Variants in STK10 observed in about 807,000 individuals in gnomAD.
STK10 encodes the protein serine/threonine-protein kinase 10.
STK10 carries 78 observed loss-of-function variants against 113.8 expected under a neutral mutation model. The observed-to-expected ratio is 0.69, with a 90% confidence interval of 0.57 to 0.83. The LOEUF (loss-of-function observed/expected upper bound fraction) is 0.83, where lower values mean the gene tolerates loss of function less well. Ranked by LOEUF, STK10 falls within the 40% of genes least tolerant of loss-of-function variation. STK10 has a pLI of 0.00. For synonymous variants in STK10, 465 were observed against 494.7 expected, an observed-to-expected ratio of 0.94 and a Z score of 0.80; for missense variants, 1,109 against 1,280.1, an observed-to-expected ratio of 0.87 and a Z score of 2.04.
intron 7 of STK10, among the ~76,000 whole-genome samples, chr5:172,100,056 C>G (rs1256561821): frequency 1.3e-5 from 2 of 152,358 alleles, no homozygotes; most frequent in Admixed American, 1.3e-4. Flanking sequence ...ACAGGGCCAC[C>G]CGTCCTATGG....
At chr5:172,106,420 G>GAAAAAAAAAAAAAAAAAAAAAAAAAC (rs1416660493) in intron 6 of STK10, among the ~76,000 whole-genome samples, 200 bp downstream of exon 6, 1 of 45,400 alleles carries the variant, frequency 2.2e-5, no homozygotes, top group Non-Finnish European at 5.1e-5. Flanking sequence ...AAAAAAAAAG[G>GAAAAAAAAAAAAAAAAAAAAAAAAAC]AACACAAAGG....
intron 2 of STK10, among the ~76,000 whole-genome samples, chr5:172,141,803 G>A (rs1368561036): frequency 2.0e-5 from 3 of 152,062 alleles, no homozygotes; most frequent in Non-Finnish European, 2.9e-5. Context: ...GCCTGTAATC[G>A]CCGGCTTTCT....
At chr5:172,145,488 C>T (rs775474662) in intron 2 of STK10, among the ~76,000 whole-genome samples, 93 of 152,236 alleles carry the variant, frequency 6.1e-4, no homozygotes, top group Non-Finnish European at 1.1e-3. Context: ...AGGCAGAGCA[C>T]GCGCTGGCCC....
intron 13 of STK10, 118 bp downstream of exon 13, chr5:172,064,602 G>C (rs1768024453): frequency 2.0e-6 from 2 of 1,023,054 alleles, no homozygotes; most frequent in Non-Finnish European, 3.0e-6. Context: ...GCCAGATTTA[G>C]GTATTCAGAA....
intron 2 of STK10, among the ~76,000 whole-genome samples, chr5:172,136,971 C>A (rs1174868142): frequency 6.6e-6 from 1 of 151,936 alleles, no homozygotes; most frequent in African/African-American, 2.4e-5. Context: ...GCTATCCCTC[C>A]CCTAGCCCCC....
At chr5:172,050,111 G>A (rs1581129497) in intron 18 of STK10, among the ~76,000 whole-genome samples, 1 of 152,166 alleles carries the variant, frequency 6.6e-6, no homozygotes, top group Non-Finnish European at 1.5e-5. Context: ...CCCACTCATA[G>A]TATTTTAGAA....
chr5:172,084,202 G>C (rs1768500152), intron 10 of STK10, among the ~76,000 whole-genome samples: 1 of 151,914 alleles, frequency 6.6e-6, no homozygotes, highest in African/African-American at 2.4e-5. Flanking sequence ...GGGGGTTCAA[G>C]ACCAGCCTGA....
chr5:172,090,372 G>A lies in STK10; in HGVS notation c.1555-10C>T, dbSNP rs756732385. On this transcript the variant is annotated splice_polypyrimidine_tract_variant and intron_variant, in intron 9 of 18. Transcript: ENST00000176763. Reference sequence around the variant, plus strand: ...TGTACAGTTTCGGGTCCTGGCCAGGGAAAACCATTAGACAAGTCTCAGCAT... The same window carrying A: ...TGTACAGTTTCGGGTCCTGGCCAGGAAAAACCATTAGACAAGTCTCAGCAT... 6.2e-7 allele frequency: 1 copy of A among 1,612,948 alleles called. No homozygotes were observed. Among genetic ancestry groups the A allele is most frequent in the Non-Finnish European group, 8.5e-7 (1 of 1,179,432 alleles).
At chr5:172,089,403 TGGA>T (rs1561802649) in intron 10 of STK10, among the ~76,000 whole-genome samples, 2 of 144,944 alleles carry the variant, frequency 1.4e-5, no homozygotes, top group African/African-American at 2.7e-5. Flanking sequence ...CATGGATGGA[TGGA>T]TGGATGGATG....
At chr5:172,110,403 A>T (rs1330511946) in intron 4 of STK10, among the ~76,000 whole-genome samples, 3 of 151,714 alleles carry the variant, frequency 2.0e-5, no homozygotes, top group African/African-American at 4.9e-5. Flanking sequence ...CCTGCCTGAC[A>T]TGCCACATGT....
chr5:172,155,454 T>C (rs527839742), intron 2 of STK10, among the ~76,000 whole-genome samples: 26 of 146,514 alleles, frequency 1.8e-4, no homozygotes, highest in African/African-American at 5.1e-4. Flanking sequence ...GCCGAGATCG[T>C]GCCACTGCAC....
chr5:172,153,446 G>A (rs930747371), intron 2 of STK10, among the ~76,000 whole-genome samples: 13 of 152,152 alleles, frequency 8.5e-5, no homozygotes, highest in Non-Finnish European at 1.6e-4. Flanking sequence ...AGGAAGCACA[G>A]ACGGATTTTG....
intron 1 of STK10, among the ~76,000 whole-genome samples, chr5:172,158,258 C>G (rs914390201): frequency 6.6e-6 from 1 of 150,692 alleles, no homozygotes; most frequent in Non-Finnish European, 1.5e-5. Flanking sequence ...TAGGACCTAG[C>G]AATTCTGCTC....
intron 9 of STK10, among the ~76,000 whole-genome samples, chr5:172,090,702 C>T (rs921264655): frequency 4.0e-5 from 6 of 151,684 alleles, no homozygotes; most frequent in African/African-American, 1.2e-4. Flanking sequence ...TTTGGGAGGC[C>T]GAGGCAGGCG....
chr5:172,149,077 G>A (rs1770150258), intron 2 of STK10, among the ~76,000 whole-genome samples: 1 of 152,164 alleles, frequency 6.6e-6, no homozygotes, highest in African/African-American at 2.4e-5. Flanking sequence ...TAAGGAGGGA[G>A]GATTGCTTGA....
chr5:172,158,283 A>C (rs539612087), intron 1 of STK10, among the ~76,000 whole-genome samples: 16 of 86,284 alleles, frequency 1.9e-4, no homozygotes, highest in Non-Finnish European at 4.2e-4. Context: ...GTATATACCC[A>C]AAAAAAAAAG....
At chr5:172,172,279 C>A (rs1389073262) in intron 1 of STK10, among the ~76,000 whole-genome samples, 1 of 152,246 alleles carries the variant, frequency 6.6e-6, no homozygotes, top group African/African-American at 2.4e-5. Context: ...GAATGTTCCA[C>A]TGAGTGACGG....
At chr5:172,110,419 C>T (rs1311638979) in intron 4 of STK10, among the ~76,000 whole-genome samples, 1 of 152,146 alleles carries the variant, frequency 6.6e-6, no homozygotes, top group Admixed American at 6.6e-5. Context: ...CATGTTATTC[C>T]CGTGGTGGCG....
chr5:172,138,042 C>G (rs1033335216), intron 2 of STK10, among the ~76,000 whole-genome samples: 3 of 152,112 alleles, frequency 2.0e-5, no homozygotes, highest in Admixed American at 6.6e-5. Context: ...TACAACATAG[C>G]ACTGAGAGTC....
Sources: gnomAD v4.1 joint callset for allele counts (sites outside exome capture counted in the v4.1 genomes callset) on GRCh38, gnomAD v4.1.1 for gene constraint, MANE v1.5 for transcripts, NCBI Gene and HGNC (gene_info 2026-07-23, HGNC 2026-07-21) for gene names.